The following FANCL variants were observed in gnomAD, a reference collection of about 807,000 sequenced individuals.
FANCL encodes FA complementation group L, also known as E3 ubiquitin-protein ligase FANCL.
In FANCL, 69 loss-of-function variants were observed where a neutral mutation model predicts 59.4. That is an observed-to-expected ratio of 1.16 (90% CI 0.96 to 1.42). FANCL has a LOEUF of 1.42. Ranked by LOEUF, FANCL falls within the 40% of genes most tolerant of loss-of-function variation. The pLI is 0.00. For synonymous variants in FANCL, 180 were observed against 147.1 expected, an observed-to-expected ratio of 1.22 and a Z score of -1.62; for missense variants, 519 against 447.2, an observed-to-expected ratio of 1.16 and a Z score of -1.45.
At chr2:58,181,996 G>A (rs760447231) in intron 7 of FANCL, among the ~76,000 whole-genome samples, 5 of 151,302 alleles carry the variant, frequency 3.3e-5, no homozygotes, top group African/African-American at 1.2e-4. Context: ...ACACAAATAC[G>A]TCTTCTCAGA....
At position 58,229,826 on chromosome 2, in the gene FANCL, T is replaced by A; in HGVS notation, c.204A>T (p.Arg68=). ...QLRTILSGYH[R]IVQQRMQHSP... is the part of the protein sequence containing the mutation. ...AAAAAGGACTTACCTGTTGTACTAT[T>A]CGATGGTATCCACTAAGTATTGTTC... Residue 68 remains arginine, a synonymous_variant, in exon 3 of 14, where the codon CGA becomes CGT. Transcript: ENST00000233741. 6.2e-7 allele frequency: 1 copy of A among 1,609,624 alleles called. No homozygotes were observed. The highest frequency in any genetic ancestry group is 2.2e-5 in the East Asian group (1 of 44,760).
At chr2:58,213,851 T>C (rs927620382) in intron 5 of FANCL, 17 of 152,170 alleles carry the variant, frequency 1.1e-4, no homozygotes, top group African/African-American at 3.9e-4. Flanking sequence ...AAATCGTCCA[T>C]TTTATTCGTG....
intron 7 of FANCL, among the ~76,000 whole-genome samples, chr2:58,186,384 A>T (rs968708850): frequency 6.6e-6 from 1 of 152,160 alleles, no homozygotes; most frequent in Non-Finnish European, 1.5e-5. Flanking sequence ...CAAGCTTGAG[A>T]TTTCCCCAGA....
intron 7 of FANCL, among the ~76,000 whole-genome samples, chr2:58,179,257 A>C (rs1351431984): frequency 6.6e-6 from 1 of 152,180 alleles, no homozygotes; most frequent in Non-Finnish European, 1.5e-5. Flanking sequence ...TGGAACCAAT[A>C]AAGAGCCCAT....
At chr2:58,185,258 A>G (rs923551250) in intron 7 of FANCL, among the ~76,000 whole-genome samples, 1 of 152,138 alleles carries the variant, frequency 6.6e-6, no homozygotes, top group Non-Finnish European at 1.5e-5. Context: ...GATCAATCCA[A>G]TATTAAGTTC....
intron 5 of FANCL, among the ~76,000 whole-genome samples, chr2:58,215,446 T>C (rs932508774): frequency 2.6e-5 from 4 of 152,150 alleles, no homozygotes; most frequent in Admixed American, 2.6e-4. Flanking sequence ...ATGGAATAGC[T>C]TGCTAAAGAC....
chr2:58,211,758 C>T (rs1430859879), intron 5 of FANCL, among the ~76,000 whole-genome samples: 2 of 152,200 alleles, frequency 1.3e-5, no homozygotes, highest in Non-Finnish European at 2.9e-5. Flanking sequence ...ATCTCTAGGG[C>T]AGGGGCAAAA....
chr2:58,172,052 C>A (rs918087839), intron 7 of FANCL, among the ~76,000 whole-genome samples: 1 of 152,256 alleles, frequency 6.6e-6, no homozygotes, highest in Admixed American at 6.5e-5. Context: ...GGGGGAGGGG[C>A]GCCCGCCATT....
intron 12 of FANCL, 36 bp downstream of exon 12, chr2:58,161,486 G>T: frequency 7.9e-7 from 1 of 1,266,990 alleles, no homozygotes; most frequent in African/African-American, 1.5e-5. Context: ...TGTTGTGTTA[G>T]CGGAAAAAAG....
chr2:58,159,942 T>A, intron 13 of FANCL, 142 bp from the exon 14 acceptor site: 1 of 1,526,326 alleles, frequency 6.6e-7, no homozygotes, highest in Non-Finnish European at 8.8e-7. Flanking sequence ...CTAGGAAATC[T>A]AGAAAAGGAG....
At chr2:58,225,378 G>A (rs896048872) in intron 4 of FANCL, among the ~76,000 whole-genome samples, 4 of 151,934 alleles carry the variant, frequency 2.6e-5, no homozygotes, top group African/African-American at 7.2e-5. Context: ...AACAACTGAT[G>A]AGAAGTTCTC....
intron 7 of FANCL, among the ~76,000 whole-genome samples, chr2:58,174,319 A>C (rs1687030350): frequency 6.6e-6 from 1 of 152,298 alleles, no homozygotes; most frequent in South Asian, 2.1e-4. Context: ...TTCCACCCCA[A>C]ATCAACAGAA....
At chr2:58,227,299 A>G (rs1177981239) in intron 3 of FANCL, among the ~76,000 whole-genome samples, 1 of 152,210 alleles carries the variant, frequency 6.6e-6, no homozygotes, top group African/African-American at 2.4e-5. Flanking sequence ...AGTCAGCTCA[A>G]TTAGACCCCT....
At chr2:58,176,130 G>C (rs566170805) in intron 7 of FANCL, among the ~76,000 whole-genome samples, 169 of 151,580 alleles carry the variant, frequency 1.1e-3, no homozygotes, top group African/African-American at 3.5e-3. Flanking sequence ...AAATAAAAGA[G>C]GATACAAACA....
At chr2:58,176,423 A>G (rs965440254) in intron 7 of FANCL, among the ~76,000 whole-genome samples, 2 of 152,002 alleles carry the variant, frequency 1.3e-5, no homozygotes, top group African/African-American at 4.8e-5. Flanking sequence ...TACTGGTACC[A>G]AAACAGAGAT....
chr2:58,160,880 G>A (rs574659785), intron 12 of FANCL, among the ~76,000 whole-genome samples: 2 of 152,020 alleles, frequency 1.3e-5, no homozygotes, highest in Admixed American at 6.6e-5. Flanking sequence ...GACTGAAACC[G>A]AAGGCAACAT....
chr2:58,182,282 C>T (rs898940535), intron 7 of FANCL, among the ~76,000 whole-genome samples: 5 of 151,676 alleles, frequency 3.3e-5, no homozygotes, highest in Non-Finnish European at 5.9e-5. Flanking sequence ...GATATTAGTT[C>T]AATACAGCCT....
chr2:58,237,116 A>G (rs1445456546), intron 1 of FANCL, among the ~76,000 whole-genome samples: 1 of 152,112 alleles, frequency 6.6e-6, no homozygotes, highest in Non-Finnish European at 1.5e-5. Flanking sequence ...CTCTGAACCA[A>G]TTTGACCTAA....
intron 4 of FANCL, 86 bp downstream of exon 4, chr2:58,226,642 A>C: frequency 1.0e-6 from 1 of 958,820 alleles, no homozygotes; most frequent in East Asian, 2.4e-5. Flanking sequence ...GACAAATTCT[A>C]ATAATGTCAG....
Sources: allele counts gnomAD v4.1 joint callset (sites outside exome capture counted in the v4.1 genomes callset), GRCh38; gene constraint gnomAD v4.1.1; transcripts MANE v1.5; gene names NCBI Gene and HGNC (gene_info 2026-07-23, HGNC 2026-07-21).